LRP2: variants seen among roughly 807,000 people sequenced by gnomAD.
The protein encoded by LRP2 is LDL receptor related protein 2, also known as low-density lipoprotein receptor-related protein 2.
A neutral mutation model predicts 531.0 loss-of-function variants in LRP2; 172 were observed. That is an observed-to-expected ratio of 0.32 (90% CI 0.29 to 0.37). The LOEUF (loss-of-function observed/expected upper bound fraction) is 0.37. LRP2 is among the 10% of genes least tolerant of loss of function. The probability of loss-of-function intolerance (pLI) is 1.00; values close to 1 mark genes in which losing one functional copy is unlikely to be tolerated. For synonymous variants in LRP2, 1,992 were observed against 2,027.6 expected (o/e 0.98, Z 0.47); for missense variants, 5,167 against 5,868.3 (o/e 0.88, Z 3.90).
Position 169,288,900 on chromosome 2 carries a change from G to C in LRP2, c.1042+126C>G, listed in dbSNP as rs1386039764. On this transcript the variant is annotated intron_variant, in intron 9 of 78. Transcript: ENST00000649046. ...TTTGCCAGGTTTTCTGTGAGGTCTGGGTTGCTCTTTGTTATGACAGACCAT... is the reference window on the plus strand; with the variant it reads ...TTTGCCAGGTTTTCTGTGAGGTCTGCGTTGCTCTTTGTTATGACAGACCAT... 7 of 1,432,192 alleles carry C rather than the reference G, an allele frequency of 4.9e-6. No individual in the cohort carries two copies. In the Admixed American group the frequency reaches 6.7e-5, roughly 14 times the overall value. The allele number at this position is 1,432,192 out of a possible 1,614,324, so 88.7% of individuals were successfully genotyped here.
chr2:169,233,659 T>A, intron 29 of LRP2, 71 bp from the exon 30 acceptor site: 1 of 1,312,550 alleles, frequency 7.6e-7, no homozygotes, highest in South Asian at 1.2e-5. Flanking sequence ...TCAAAGAGGA[T>A]ATCTGCTCAA....
At chr2:169,331,696 G>A (rs1036624495) in intron 1 of LRP2, among the ~76,000 whole-genome samples, 1 of 152,154 alleles carries the variant, frequency 6.6e-6, no homozygotes, top group Non-Finnish European at 1.5e-5. Context: ...AGGTAAATAA[G>A]GACCCAATGA....
At chr2:169,185,209 T>C (rs1475069014) in intron 50 of LRP2, among the ~76,000 whole-genome samples, 82 of 152,296 alleles carry the variant, frequency 5.4e-4, no homozygotes, top group Non-Finnish European at 8.8e-5. Flanking sequence ...AATGAATGCA[T>C]GAATCGTCCC....
chr2:169,309,350 G>T (rs1355112621), intron 3 of LRP2, among the ~76,000 whole-genome samples: 1 of 152,100 alleles, frequency 6.6e-6, no homozygotes, highest in East Asian at 1.9e-4. Context: ...GGTTTTTATG[G>T]TTTTAGGTCT....
chr2:169,361,018 G>T (rs190217940), intron 1 of LRP2, among the ~76,000 whole-genome samples: 1 of 152,256 alleles, frequency 6.6e-6, no homozygotes, highest in East Asian at 1.9e-4. Flanking sequence ...CCCAATATGT[G>T]ATCCAGGAAA....
At chr2:169,217,669 A>G in intron 34 of LRP2, among the ~76,000 whole-genome samples, 1 of 152,158 alleles carries the variant, frequency 6.6e-6, no homozygotes. Flanking sequence ...GAATTCACTA[A>G]AAATCTAAGT....
chr2:169,277,622 A>T, intron 13 of LRP2, 123 bp downstream of exon 13: 1 of 894,920 alleles, frequency 1.1e-6, no homozygotes, highest in Non-Finnish European at 1.8e-6. Context: ...AAAGGTCATT[A>T]AAGCTATCAT....
intron 60 of LRP2, 126 bp from the exon 61 acceptor site, chr2:169,168,802 A>T: frequency 9.4e-7 from 1 of 1,060,578 alleles, no homozygotes; most frequent in Non-Finnish European, 1.4e-6. Flanking sequence ...CAAGATGTAT[A>T]GTGGCCTTGA....
intron 50 of LRP2, among the ~76,000 whole-genome samples, chr2:169,184,003 C>T (rs780139495): frequency 7.2e-5 from 11 of 151,910 alleles, no homozygotes; most frequent in African/African-American, 1.2e-4. Context: ...TTTACCCTAC[C>T]CTCACCCAGA....
intron 5 of LRP2, 68 bp downstream of exon 5, chr2:169,294,532 A>G (rs1363001585): frequency 8.9e-7 from 1 of 1,122,162 alleles, no homozygotes; most frequent in African/African-American, 1.5e-5. Flanking sequence ...AGATGTACAT[A>G]TTGGCTCTCT....
At chr2:169,320,086 T>C (rs1288213162) in intron 2 of LRP2, among the ~76,000 whole-genome samples, 1 of 152,200 alleles carries the variant, frequency 6.6e-6, no homozygotes, top group African/African-American at 2.4e-5. Context: ...AGCAATGGGA[T>C]CTGTGCATAG....
chr2:169,342,326 G>A lies in LRP2; in HGVS notation c.79+19995C>T, dbSNP rs111292038. ...ACAAATAACAAGAATTATCAAAAAC[G>A]GCAACAAATAAAAGCTTTCTCTTTG... On this transcript the variant is annotated intron_variant, in intron 1 of 78. Coordinates refer to ENST00000649046, the MANE Select transcript of LRP2 (RefSeq NM_004525.3). Among the ~76,000 whole-genome samples, 579 of 151,118 alleles carry A rather than the reference G, an allele frequency of 3.8e-3. 3 individuals carry two copies. The highest frequency in any genetic ancestry group is 0.012 in the African/African-American group (501 of 41,142).
At chr2:169,293,074 G>C (rs1010472118) in intron 6 of LRP2, among the ~76,000 whole-genome samples, 11 of 152,096 alleles carry the variant, frequency 7.2e-5, no homozygotes, top group African/African-American at 2.2e-4. Flanking sequence ...AGGAAGTCAG[G>C]CATGGCTCAT....
At position 169,174,000 on chromosome 2, in the gene LRP2, C is replaced by CATT; in HGVS notation, c.10930_10932dup (p.Asn3644dup). ...TTCCAGGCCTGCGGGATGCAGCGGC[C>CATT]ATTAGCACACCGAAACTGGCCCGGC... On this transcript the variant is annotated inframe_insertion, in exon 56 of 79. Transcript: ENST00000649046. 3.7e-6 allele frequency: 6 copies of CATT among 1,614,230 alleles called. No individual in the cohort carries two copies. Among genetic ancestry groups the CATT allele is most frequent in the Non-Finnish European group, 5.1e-6 (6 of 1,180,032 alleles).
intron 57 of LRP2, 91 bp downstream of exon 57, chr2:169,173,005 G>T: frequency 6.7e-7 from 1 of 1,488,752 alleles, no homozygotes; most frequent in Non-Finnish European, 9.3e-7. Context: ...AAGATGACAT[G>T]GGAAATACAC....
intron 68 of LRP2, among the ~76,000 whole-genome samples, chr2:169,148,970 A>C (rs1399537704): frequency 6.6e-6 from 1 of 152,204 alleles, no homozygotes; most frequent in Non-Finnish European, 1.5e-5. Flanking sequence ...CATTCAGTTC[A>C]GTGCTACTTT....
chr2:169,355,023 A>G (rs181718776), intron 1 of LRP2, among the ~76,000 whole-genome samples: 1 of 152,160 alleles, frequency 6.6e-6, no homozygotes, highest in Admixed American at 6.5e-5. Context: ...AGATTCACAG[A>G]AAAATGAAAT....
At chr2:169,263,374 A>G in intron 16 of LRP2, among the ~76,000 whole-genome samples, 1 of 151,932 alleles carries the variant, frequency 6.6e-6, no homozygotes, top group African/African-American at 2.4e-5. Context: ...TCCAGAATCT[A>G]CAATGAACTC....
intron 1 of LRP2, among the ~76,000 whole-genome samples, chr2:169,334,600 G>T (rs1685354289): frequency 6.6e-6 from 1 of 152,126 alleles, no homozygotes; most frequent in Non-Finnish European, 1.5e-5. Flanking sequence ...TCGCCAGAAA[G>T]CCAAGAGATG....
Sources: allele counts gnomAD v4.1 joint callset (sites outside exome capture counted in the v4.1 genomes callset), GRCh38; gene constraint gnomAD v4.1.1; transcripts MANE v1.5; gene names NCBI Gene and HGNC (gene_info 2026-07-23, HGNC 2026-07-21).